The following FAM135B variants were observed in gnomAD, a reference collection of about 807,000 sequenced individuals.
FAM135B encodes the protein protein FAM135B.
A neutral mutation model predicts 127.7 loss-of-function variants in FAM135B; 43 were observed. The observed-to-expected ratio is 0.34, with a 90% confidence interval of 0.26 to 0.43. The LOEUF is 0.43. Ranked by LOEUF, FAM135B falls within the 20% of genes least tolerant of loss-of-function variation. The pLI is 1.00. For missense variants in FAM135B, 1,558 were observed against 1,725.6 expected, an observed-to-expected ratio of 0.90 and a Z score of 1.72; for synonymous variants, 670 against 665.1, an observed-to-expected ratio of 1.01 and a Z score of -0.11.
chr8:138,197,076 T>A (rs1403224222), intron 8 of FAM135B, among the ~76,000 whole-genome samples: 1 of 32,852 alleles, frequency 3.0e-5, no homozygotes. Context: ...TGTATGCATA[T>A]GTGTGTGTGT....
chr8:138,259,452 A>G (rs1586906631), intron 4 of FAM135B, among the ~76,000 whole-genome samples: 2 of 152,334 alleles, frequency 1.3e-5, no homozygotes, highest in Non-Finnish European at 2.9e-5. Context: ...CTTGCAAAGC[A>G]TTGTTATCGT....
At chr8:138,430,814 T>C (rs1357343690) in intron 1 of FAM135B, among the ~76,000 whole-genome samples, 2 of 152,136 alleles carry the variant, frequency 1.3e-5, no homozygotes, top group Admixed American at 6.5e-5. Flanking sequence ...ATATAATAAT[T>C]ACGAAACTGT....
At chr8:138,326,452 T>G (rs1217714645) in intron 2 of FAM135B, among the ~76,000 whole-genome samples, 1 of 152,166 alleles carries the variant, frequency 6.6e-6, no homozygotes, top group Non-Finnish European at 1.5e-5. Flanking sequence ...AAAGCAGGCC[T>G]TCAAGCGACT....
intron 3 of FAM135B, among the ~76,000 whole-genome samples, chr8:138,283,025 T>C (rs1325978069): frequency 2.0e-5 from 3 of 152,036 alleles, no homozygotes. Context: ...CTCAGTCTCC[T>C]GAGTAGCTGG....
At position 138,153,043 on chromosome 8, in the gene FAM135B, T is replaced by G; in HGVS notation, c.1432A>C (p.Arg478=). 1 of 1,614,158 alleles carries G rather than the reference T, an allele frequency of 6.2e-7. No individual in the cohort carries two copies. The highest frequency in any genetic ancestry group is 2.2e-5 in the East Asian group (1 of 44,864). Reference sequence around the variant, plus strand: ...ACATTCTCACCTGGCTCTGGACACCTTATAACTTCTTCATCAGAATCCATT... The same window carrying G: ...ACATTCTCACCTGGCTCTGGACACCGTATAACTTCTTCATCAGAATCCATT... ...SQMDSDEEVI[R]CPEPGENVAT... The change falls in exon 13 of 20, where the codon AGG becomes CGG. Residue 478 remains arginine (R), a synonymous_variant. Transcript: ENST00000395297.
chr8:138,421,994 A>C (rs1834537236), intron 1 of FAM135B, among the ~76,000 whole-genome samples: 3 of 152,160 alleles, frequency 2.0e-5, no homozygotes, highest in Admixed American at 2.0e-4. Context: ...ACACAACTAC[A>C]AAGTCAACAA....
intron 2 of FAM135B, among the ~76,000 whole-genome samples, chr8:138,318,680 A>T (rs1307796714): frequency 6.6e-6 from 1 of 152,232 alleles, no homozygotes; most frequent in South Asian, 2.1e-4. Context: ...ATTTTGTTGT[A>T]TAGCTACGTC....
At chr8:138,221,864 C>T (rs1049242415) in intron 7 of FAM135B, among the ~76,000 whole-genome samples, 22 of 152,164 alleles carry the variant, frequency 1.4e-4, no homozygotes, top group Admixed American at 8.5e-4. Context: ...CACGCACATG[C>T]GCACACACCC....
chr8:138,201,601 CG>C (rs370152176), intron 7 of FAM135B, among the ~76,000 whole-genome samples: 8 of 152,144 alleles, frequency 5.3e-5, no homozygotes, highest in African/African-American at 1.7e-4. Context: ...TCAGAGTGGA[CG>C]GGCCAGTGTG....
At chr8:138,256,785 A>G (rs1433176790) in intron 4 of FAM135B, 26 bp from the exon 5 acceptor site, 4 of 1,590,920 alleles carry the variant, frequency 2.5e-6, no homozygotes, top group East Asian at 2.2e-5. Flanking sequence ...AGTCCAAGGG[A>G]TTTCAGGAGT....
intron 2 of FAM135B, among the ~76,000 whole-genome samples, chr8:138,364,352 G>A (rs1422002928): frequency 2.0e-5 from 3 of 152,142 alleles, no homozygotes; most frequent in Non-Finnish European, 2.9e-5. Flanking sequence ...GTTAACAAGT[G>A]CAAGGTTTTG....
intron 1 of FAM135B, among the ~76,000 whole-genome samples, chr8:138,475,396 C>T (rs1428784334): frequency 2.6e-5 from 4 of 152,152 alleles, no homozygotes; most frequent in African/African-American, 7.2e-5. Flanking sequence ...CCAACCCAGA[C>T]GTCGCCCAAA....
chr8:138,437,156 T>C (rs1038922529), intron 1 of FAM135B: 1 of 152,186 alleles, frequency 6.6e-6, no homozygotes, highest in African/African-American at 2.4e-5. Context: ...CTCAGGGGTT[T>C]AGAAATAGAG....
At chr8:138,333,740 A>C (rs1329940407) in intron 2 of FAM135B, among the ~76,000 whole-genome samples, 1 of 152,208 alleles carries the variant, frequency 6.6e-6, no homozygotes, top group Non-Finnish European at 1.5e-5. Context: ...ATATTAATTA[A>C]CAATTAATAT....
intron 1 of FAM135B, among the ~76,000 whole-genome samples, chr8:138,413,853 T>C (rs1171626896): frequency 2.6e-5 from 4 of 151,970 alleles, no homozygotes; most frequent in Middle Eastern, 3.4e-3. Context: ...GCTTATGAGA[T>C]GACATGGTAA....
intron 2 of FAM135B, among the ~76,000 whole-genome samples, chr8:138,323,080 A>T (rs1827563199): frequency 6.6e-6 from 1 of 152,214 alleles, no homozygotes; most frequent in Admixed American, 6.5e-5. Context: ...ATACTTTTCC[A>T]AGGAAAGTCC....
At chr8:138,266,441 C>T (rs987416713) in intron 3 of FAM135B, among the ~76,000 whole-genome samples, 1 of 151,916 alleles carries the variant, frequency 6.6e-6, no homozygotes, top group African/African-American at 2.4e-5. Context: ...CTAAACGGTA[C>T]TTCAAAGTTA....
intron 6 of FAM135B, among the ~76,000 whole-genome samples, chr8:138,247,097 A>G (rs1191998428): frequency 6.6e-6 from 1 of 152,144 alleles, no homozygotes; most frequent in East Asian, 1.9e-4. Flanking sequence ...CTTGCTTTTG[A>G]TTTTGCAGGC....
At chr8:138,200,204 T>G (rs1586754429) in intron 7 of FAM135B, among the ~76,000 whole-genome samples, 2 of 152,358 alleles carry the variant, frequency 1.3e-5, no homozygotes, top group South Asian at 4.1e-4. Context: ...TTCTTTCTGA[T>G]TTGAACTTAA....
Sources: gnomAD v4.1 joint callset for allele counts (sites outside exome capture counted in the v4.1 genomes callset) on GRCh38, gnomAD v4.1.1 for gene constraint, MANE v1.5 for transcripts, NCBI Gene and HGNC (gene_info 2026-07-23, HGNC 2026-07-21) for gene names.